Variants in SCN2A observed in about 807,000 individuals in gnomAD.
SCN2A encodes sodium channel protein type 2 subunit alpha.
A neutral mutation model predicts 188.7 loss-of-function variants in SCN2A; 20 were observed. The ratio of observed to expected loss-of-function variants is 0.11; its 90% CI spans 0.07 to 0.15. The LOEUF is 0.15. Ranked by LOEUF, SCN2A falls within the 10% of genes least tolerant of loss-of-function variation. The probability of loss-of-function intolerance (pLI) is 1.00; values close to 1 mark genes in which losing one functional copy is unlikely to be tolerated. For synonymous variants in SCN2A, 804 were observed against 833.1 expected, an observed-to-expected ratio of 0.97 and a Z score of 0.60; for missense variants, 1,278 against 2,445.0, an observed-to-expected ratio of 0.52 and a Z score of 10.07.
At chr2:165,308,510 G>A (rs1022268730) in intron 4 of SCN2A, among the ~76,000 whole-genome samples, 156 bp from the exon 5 acceptor site, 2 of 152,030 alleles carry the variant, frequency 1.3e-5, no homozygotes, top group African/African-American at 4.8e-5. Flanking sequence ...GGAATTTAAT[G>A]TTTCTTTTTT....
At chr2:165,295,064 C>G (rs1282042238) in intron 1 of SCN2A, among the ~76,000 whole-genome samples, 1 of 152,090 alleles carries the variant, frequency 6.6e-6, no homozygotes, top group Non-Finnish European at 1.5e-5. Context: ...CCAGGGGGTC[C>G]GAGCTACAGA....
chr2:165,327,196 A>C (rs908402344), intron 13 of SCN2A: 9 of 537,988 alleles, frequency 1.7e-5, no homozygotes, highest in African/African-American at 3.8e-5. Context: ...GCTGCTGCAA[A>C]TGTAAGGTAT....
At chr2:165,367,450 C>T in intron 19 of SCN2A, 79 bp downstream of exon 19, 2 of 1,444,396 alleles carry the variant, frequency 1.4e-6, no homozygotes, top group East Asian at 4.6e-5. Context: ...ATATTACCCA[C>T]TTTTAAATTA....
chr2:165,348,641 G>A (rs896554924), intron 16 of SCN2A, among the ~76,000 whole-genome samples: 2 of 152,136 alleles, frequency 1.3e-5, no homozygotes, highest in African/African-American at 4.8e-5. Context: ...CAGGATTTGG[G>A]GAATAAGTTA....
intron 5 of SCN2A, chr2:165,309,102 A>T (rs1697292440): frequency 1.3e-6 from 2 of 1,547,928 alleles, no homozygotes; most frequent in South Asian, 1.1e-5. Flanking sequence ...AAAGGTCTTG[A>T]TGAAAGACCA....
intron 14 of SCN2A, among the ~76,000 whole-genome samples, chr2:165,338,665 A>G (rs1372929057): frequency 1.3e-5 from 2 of 152,198 alleles, no homozygotes; most frequent in African/African-American, 4.8e-5. Context: ...AATATTATCA[A>G]TAAAATCTAG....
Position 165,313,611 on chromosome 2 carries a change from T to A in SCN2A, c.1035-9T>A. On this transcript the variant is annotated splice_polypyrimidine_tract_variant and intron_variant, in intron 8 of 26. Coordinates refer to ENST00000375437, the MANE Select transcript of SCN2A (RefSeq NM_001040142.2). Reference sequence around the variant, plus strand: ...TTGACTTCCTTTCTTTCCTCTAACCTAATTATAGCCAGTGTCCTGAAGGAT... The same window carrying A: ...TTGACTTCCTTTCTTTCCTCTAACCAAATTATAGCCAGTGTCCTGAAGGAT... 6.2e-7 allele frequency: 1 copy of A among 1,613,180 alleles called. No homozygotes were observed. Among genetic ancestry groups the A allele is most frequent in the Non-Finnish European group, 8.5e-7 (1 of 1,179,306 alleles).
chr2:165,343,147 GTTGGCTC>G (rs1699399209), intron 15 of SCN2A, among the ~76,000 whole-genome samples: 1 of 152,154 alleles, frequency 6.6e-6, no homozygotes, highest in Non-Finnish European at 1.5e-5. Flanking sequence ...ATTACTTTGA[GTTGGCTC>G]TAAGTTAGTG....
chr2:165,240,358 G>T (rs896905280), intron 1 of SCN2A, among the ~76,000 whole-genome samples: 1 of 152,096 alleles, frequency 6.6e-6, no homozygotes, highest in African/African-American at 2.4e-5. Flanking sequence ...TGATATTATA[G>T]AAGGTGCTCA....
chr2:165,367,178 A>C, intron 18 of SCN2A, 39 bp from the exon 19 acceptor site: 1 of 1,603,670 alleles, frequency 6.2e-7, no homozygotes, highest in Non-Finnish European at 8.5e-7. Flanking sequence ...CTAATCAAAG[A>C]GTAATTTTTT....
At chr2:165,335,674 A>G (rs1373702193) in intron 14 of SCN2A, among the ~76,000 whole-genome samples, 2 of 151,798 alleles carry the variant, frequency 1.3e-5, no homozygotes, top group Admixed American at 6.6e-5. Flanking sequence ...AATCTTCATG[A>G]CCTATTATTA....
chr2:165,322,273 G>A lies in SCN2A; in HGVS notation c.1672-883G>A, dbSNP rs562225934. On this transcript the variant is annotated intron_variant, in intron 11 of 26. Transcript: ENST00000375437. ...GATTTCATGACCATCTTTAAATTACGTATCGAATACACTGATTGGCTAGGC... is the reference window on the plus strand; with the variant it reads ...GATTTCATGACCATCTTTAAATTACATATCGAATACACTGATTGGCTAGGC... 5.9e-5 allele frequency among the ~76,000 whole-genome samples: 9 copies of A among 152,256 alleles called. No individual in the cohort carries two copies. The South Asian group carries it at 6.2e-4, about 11-fold the overall frequency.
chr2:165,296,097 T>C lies in SCN2A; in HGVS notation c.267+7T>C. 2 of 1,612,572 alleles carry C rather than the reference T, an allele frequency of 1.2e-6. No individual in the cohort carries two copies. Among genetic ancestry groups the C allele is most frequent in the Non-Finnish European group, 1.7e-6 (2 of 1,179,826 alleles). The stretch of plus-strand genomic sequence containing the variant: ...CTACTATATCAATAAGAAAGTGAGT[T>C]CTTAGTCAAGTTGCCTTCACTGCCT... On this transcript the variant is annotated splice_region_variant and intron_variant, in intron 2 of 26. Transcript: ENST00000375437.
intron 1 of SCN2A, among the ~76,000 whole-genome samples, chr2:165,255,815 T>C (rs765613196): frequency 8.5e-5 from 13 of 152,060 alleles, no homozygotes; most frequent in Non-Finnish European, 1.5e-4. Context: ...TTCTTAAAAA[T>C]ATATTTTGTT....
At chr2:165,284,250 A>G (rs1277632857) in intron 1 of SCN2A, among the ~76,000 whole-genome samples, 3 of 152,022 alleles carry the variant, frequency 2.0e-5, no homozygotes, top group Non-Finnish European at 4.4e-5. Flanking sequence ...GGCTCACTGC[A>G]AGCTCCGCCT....
Position 165,306,222 on chromosome 2 carries a change from G to T in SCN2A, c.387-1626G>T, listed in dbSNP as rs535978197. ...AGAAAGAAGAGGGTTGGAAGCTGGAGGAAAGTGGAGAATATTTGAAATTTT... is the reference window on the plus strand; with the variant it reads ...AGAAAGAAGAGGGTTGGAAGCTGGATGAAAGTGGAGAATATTTGAAATTTT... On this transcript the variant is annotated intron_variant, in intron 3 of 26. Coordinates refer to ENST00000375437, the MANE Select transcript of SCN2A (RefSeq NM_001040142.2). 2.0e-5 allele frequency among the ~76,000 whole-genome samples: 3 copies of T among 152,244 alleles called. No homozygotes were observed. The South Asian group carries it at 6.2e-4, about 32-fold the overall frequency.
chr2:165,367,128 G>A, intron 18 of SCN2A, 89 bp from the exon 19 acceptor site: 1 of 1,220,896 alleles, frequency 8.2e-7, no homozygotes, highest in South Asian at 1.2e-5. Context: ...TGTATTATCA[G>A]GTAATAATGT....
chr2:165,361,308 C>T lies in SCN2A; in HGVS notation c.3400-3835C>T, dbSNP rs946756724. Among the ~76,000 whole-genome samples the T allele has an allele frequency of 3.9e-5, 6 of 151,986 alleles. No homozygotes were observed. The South Asian group carries it at 1.2e-3, about 32-fold the overall frequency. On this transcript the variant is annotated intron_variant, in intron 17 of 26. Coordinates refer to ENST00000375437, the MANE Select transcript of SCN2A (RefSeq NM_001040142.2). ...ACTATGAATATAACTTGAATTAATA[C>T]TAAAGTTCATGGTTTTGAAACATGG...
chr2:165,363,601 T>C (rs1308062354), intron 17 of SCN2A, among the ~76,000 whole-genome samples: 2 of 152,170 alleles, frequency 1.3e-5, no homozygotes, highest in Admixed American at 6.5e-5. Flanking sequence ...GTTATACTTA[T>C]CTCAGAAAGA....
Sources: allele counts gnomAD v4.1 joint callset (sites outside exome capture counted in the v4.1 genomes callset), GRCh38; gene constraint gnomAD v4.1.1; transcripts MANE v1.5; gene names NCBI Gene and HGNC (gene_info 2026-07-23, HGNC 2026-07-21).